FBXW2: variants seen among roughly 807,000 people sequenced by gnomAD.
FBXW2 encodes the protein F-box/WD repeat-containing protein 2.
FBXW2 carries 12 observed loss-of-function variants against 46.0 expected under a neutral mutation model. That is an observed-to-expected ratio of 0.26 (90% CI 0.17 to 0.42). FBXW2 has a LOEUF of 0.42. Ranked by LOEUF, FBXW2 falls within the 10% of genes least tolerant of loss-of-function variation. FBXW2 has a pLI of 1.00. For missense variants in FBXW2, 360 were observed against 537.0 expected (o/e 0.67, Z 3.26); for synonymous variants, 203 against 209.6 (o/e 0.97, Z 0.27).
intron 3 of FBXW2, among the ~76,000 whole-genome samples, chr9:120,779,369 G>A (rs1435586727): frequency 6.6e-6 from 1 of 152,094 alleles, no homozygotes; most frequent in African/African-American, 2.4e-5. Flanking sequence ...TATGATAATG[G>A]CACAGTATCC....
In FBXW2 at chr9:120,772,814, C is replaced by A; in HGVS notation, c.846G>T (p.Lys282Asn). Residue 282 changes from lysine (K) to asparagine (N), a missense_variant, in exon 6 of 8, where the codon AAG becomes AAT. By Grantham distance (94) the Lys-to-Asn change is moderately conservative (BLOSUM62 0). Coordinates refer to ENST00000608872, the MANE Select transcript of FBXW2 (RefSeq NM_012164.4). ...AGTCTCCAGGACTGTGCAAGAGAGA[C>A]TTGACTTTGCACTTCTGCAAAACTA... is the stretch of plus-strand genomic sequence containing the variant. Reference protein sequence around the residue: ...TKVVLQKCKVKSLLHSPGDYI... With the variant: ...TKVVLQKCKVNSLLHSPGDYI... 6.2e-7 allele frequency: 1 copy of A among 1,611,964 alleles called. No homozygotes were observed. The highest frequency in any genetic ancestry group is 1.3e-5 in the African/African-American group (1 of 74,874).
At chr9:120,780,008 C>T (rs1206180520) in intron 3 of FBXW2, among the ~76,000 whole-genome samples, 1 of 151,938 alleles carries the variant, frequency 6.6e-6, no homozygotes, top group African/African-American at 2.4e-5. Flanking sequence ...GGCATGATGG[C>T]GCGCCTATAT....
chr9:120,792,749 TAAAC>T (rs1463063992), intron 2 of FBXW2: 1 of 607,186 alleles, frequency 1.6e-6, no homozygotes, highest in Non-Finnish European at 2.5e-6. Context: ...TTATGAGGGT[TAAAC>T]AAGACAGTGC....
chr9:120,786,272 G>T (rs987963674), intron 3 of FBXW2, among the ~76,000 whole-genome samples: 1 of 152,156 alleles, frequency 6.6e-6, no homozygotes, highest in Admixed American at 6.5e-5. Flanking sequence ...GATCATGGGG[G>T]TGGCCCCCCA....
At chr9:120,771,271 A>G in intron 7 of FBXW2, 77 bp downstream of exon 7, 1 of 1,402,722 alleles carries the variant, frequency 7.1e-7, no homozygotes, top group Non-Finnish European at 9.7e-7. Context: ...TGGTACATCC[A>G]AACATTTAGT....
chr9:120,773,499 C>G (rs1277955749), intron 5 of FBXW2, among the ~76,000 whole-genome samples: 1 of 152,142 alleles, frequency 6.6e-6, no homozygotes, highest in Non-Finnish European at 1.5e-5. Flanking sequence ...ATTATCTTAC[C>G]TCATTTAATT....
intron 3 of FBXW2, among the ~76,000 whole-genome samples, chr9:120,786,018 CAAAA>C (rs3047150): frequency 1.6e-3 from 64 of 40,574 alleles, no homozygotes; most frequent in African/African-American, 4.4e-3. Flanking sequence ...GACTCCATCT[CAAAA>C]AAAAAAAAAA....
rs547633974 is a variant in FBXW2, at chr9:120,782,668, C to T, written c.491-4123G>A. On this transcript the variant is annotated intron_variant, in intron 3 of 7. Coordinates refer to ENST00000608872, the MANE Select transcript of FBXW2 (RefSeq NM_012164.4). The stretch of plus-strand genomic sequence containing the variant: ...ATCATCCTGGGAAACATGGTGAGAC[C>T]CCATCTCCATAAAAAATACAAAAAT... Among the ~76,000 whole-genome samples, 4 of 151,892 alleles carry T rather than the reference C, an allele frequency of 2.6e-5. No individual in the cohort carries two copies. The East Asian group carries it at 7.8e-4, about 30-fold the overall frequency.
At chr9:120,785,864 A>T (rs1247488813) in intron 3 of FBXW2, among the ~76,000 whole-genome samples, 1 of 151,876 alleles carries the variant, frequency 6.6e-6, no homozygotes, top group African/African-American at 2.4e-5. Flanking sequence ...TACTAAAAAT[A>T]CAAAAAAAAT....
Position 120,764,262 on chromosome 9 carries a change from C to T in FBXW2, c.*297G>A. Reference sequence around the variant, plus strand: ...TCATTTAACTTTCTTTACTTAAAACCAATACTCCACTCAAGAAAGATGAAC... The same window carrying T: ...TCATTTAACTTTCTTTACTTAAAACTAATACTCCACTCAAGAAAGATGAAC... On this transcript the variant is annotated 3_prime_UTR_variant, in exon 8 of 8. Transcript: ENST00000608872. The T allele has an allele frequency of 2.4e-6, 1 of 413,906 alleles. No individual in the cohort carries two copies. The highest frequency in any genetic ancestry group is 3.4e-5 in the East Asian group (1 of 29,370). The allele number at this position is 413,906 out of a possible 1,614,324, so 25.6% of individuals were successfully genotyped here. A position where few individuals can be genotyped will look rare whatever the true frequency, so the allele number is the denominator to read the frequency against.
chr9:120,764,204 A>G lies in FBXW2; in HGVS notation c.*355T>C. On this transcript the variant is annotated 3_prime_UTR_variant, in exon 8 of 8. Transcript: ENST00000608872. ...AAAAGCTTTAATAACAGACAATGTG[A>G]TTTCATAGGCAACCAATTAGCAGAT... 2.5e-6 allele frequency: 1 copy of G among 401,824 alleles called. No individual in the cohort carries two copies. The highest frequency in any genetic ancestry group is 4.4e-6 in the Non-Finnish European group (1 of 228,146). 24.9% of individuals were successfully genotyped at this position (401,824 alleles called of 1,614,324 possible).
Position 120,764,816 on chromosome 9 carries a change from C to A in FBXW2, c.1108G>T (p.Ala370Ser). ...AAGATATCTCCAAAGCCAAGCAAGGCCAAGTTTGCTATCTCAGGAGTCTTG... is the reference window on the plus strand; with the variant it reads ...AAGATATCTCCAAAGCCAAGCAAGGACAAGTTTGCTATCTCAGGAGTCTTG... ...VIKTPEIANL[A>S]LLGFGDIFAL... The change falls in exon 8 of 8, where the codon GCC (alanine) becomes TCC (serine). Residue 370 changes from alanine (A) to serine (S), a missense_variant. Coordinates refer to ENST00000608872, the MANE Select transcript of FBXW2 (RefSeq NM_012164.4). The A allele has an allele frequency of 6.3e-7, 1 of 1,597,642 alleles. No individual in the cohort carries two copies. The highest frequency in any genetic ancestry group is 8.5e-7 in the Non-Finnish European group (1 of 1,169,758).
chr9:120,778,212 G>A (rs2044539574), intron 4 of FBXW2, 139 bp downstream of exon 4: 1 of 807,656 alleles, frequency 1.2e-6, no homozygotes, highest in Non-Finnish European at 1.9e-6. Context: ...CTAGAATAAA[G>A]GGAAATAACT....
At position 120,778,474 on chromosome 9, in the gene FBXW2, T is replaced by C; in HGVS notation, c.562A>G (p.Thr188Ala). Residue 188 changes from threonine (T) to alanine (A), a missense_variant, in exon 4 of 8, where the codon ACT becomes GCT. Coordinates refer to ENST00000608872, the MANE Select transcript of FBXW2 (RefSeq NM_012164.4). ...TCATCAAACTTCACCGCTGCACAAG[T>C]GTGGGTCTGGATGCCATAAACGCAC... ...GQCVYGIQTH[T>A]CAAVKFDEQK... 1 of 1,614,154 alleles carries C rather than the reference T, an allele frequency of 6.2e-7. No individual in the cohort carries two copies. The highest frequency in any genetic ancestry group is 8.5e-7 in the Non-Finnish European group (1 of 1,180,040).
intron 5 of FBXW2, among the ~76,000 whole-genome samples, chr9:120,774,088 C>A (rs908472960): frequency 6.6e-6 from 1 of 152,068 alleles, no homozygotes; most frequent in Non-Finnish European, 1.5e-5. Flanking sequence ...GTAATCTCAG[C>A]ATTTTGGGAG....
At chr9:120,769,034 C>G (rs1377511583) in intron 7 of FBXW2, among the ~76,000 whole-genome samples, 1 of 152,176 alleles carries the variant, frequency 6.6e-6, no homozygotes, top group Non-Finnish European at 1.5e-5. Flanking sequence ...TCACTTTGAT[C>G]ACTTTAGAAA....
chr9:120,786,655 C>T (rs2044730075), intron 3 of FBXW2, among the ~76,000 whole-genome samples: 1 of 152,084 alleles, frequency 6.6e-6, no homozygotes, highest in African/African-American at 2.4e-5. Context: ...TGGAAGTTAT[C>T]TTGGATGAAA....
In FBXW2 at chr9:120,791,250, C is replaced by A. The variant is rs1266665336; in HGVS notation, c.-21+1899G>T. On this transcript the variant is annotated intron_variant, in intron 2 of 7. Transcript: ENST00000608872. ...TGGGATTTCAATTCAACATGAGGAGCTTTTAAATCTCAGCGCTTTCCAACA... is the reference window on the plus strand; with the variant it reads ...TGGGATTTCAATTCAACATGAGGAGATTTTAAATCTCAGCGCTTTCCAACA... Among the ~76,000 whole-genome samples, 5 of 152,196 alleles carry A rather than the reference C, an allele frequency of 3.3e-5. No homozygotes were observed. In the East Asian group the frequency reaches 7.7e-4, roughly 23 times the overall value.
Position 120,761,549 on chromosome 9 carries a change from T to C in FBXW2, c.*3010A>G, listed in dbSNP as rs2044196771. ...AAAGAATAGTTTTAGTTATCCCCTA[T>C]CCACTTCTCATTCTGACTCCCCACT... is the stretch of plus-strand genomic sequence containing the variant. On this transcript the variant is annotated 3_prime_UTR_variant, in exon 8 of 8. Transcript: ENST00000608872. The C allele has an allele frequency of 6.6e-6, 1 of 152,222 alleles. No individual in the cohort carries two copies. 9.4% of individuals were successfully genotyped at this position (152,222 alleles called of 1,614,324 possible).
Sources: allele counts gnomAD v4.1 joint callset (sites outside exome capture counted in the v4.1 genomes callset), GRCh38; gene constraint gnomAD v4.1.1; transcripts MANE v1.5; gene names NCBI Gene and HGNC (gene_info 2026-07-23, HGNC 2026-07-21).